The following IGSF23 variants were observed in gnomAD, a reference collection of about 807,000 sequenced individuals.
IGSF23 encodes immunoglobulin superfamily member 23, also known as immunoglobulin superfamily, member 23.
IGSF23 carries 14 observed loss-of-function variants against 17.8 expected under a neutral mutation model. The observed-to-expected ratio is 0.79, with a 90% confidence interval of 0.52 to 1.23. The LOEUF (loss-of-function observed/expected upper bound fraction) is 1.23. IGSF23 is among the 50% of genes most tolerant of loss of function. The pLI is 0.00. For synonymous variants in IGSF23, 85 were observed against 92.5 expected (o/e 0.92, Z 0.46); for missense variants, 214 against 241.7 (o/e 0.89, Z 0.76).
At chr19:44,619,643 C>T (rs1257983231) in intron 1 of IGSF23, among the ~76,000 whole-genome samples, 4 of 152,200 alleles carry the variant, frequency 2.6e-5, no homozygotes, top group Non-Finnish European at 5.9e-5. Context: ...TTCATCTCCT[C>T]TGAGGCCTCT....
chr19:44,636,004 G>C (rs1174049867), intron 4 of IGSF23, among the ~76,000 whole-genome samples: 2 of 152,180 alleles, frequency 1.3e-5, no homozygotes, highest in African/African-American at 4.8e-5. Flanking sequence ...GTCTGGACTA[G>C]GATAGCCTCA....
At chr19:44,635,523 G>T in intron 4 of IGSF23, 58 bp downstream of exon 4, 1 of 1,198,260 alleles carries the variant, frequency 8.3e-7, no homozygotes. Context: ...AGAAGTTCTT[G>T]GGCAGAGACT....
chr19:44,626,382 G>A (rs1013650730), intron 2 of IGSF23, among the ~76,000 whole-genome samples: 4 of 152,180 alleles, frequency 2.6e-5, no homozygotes, highest in African/African-American at 7.2e-5. Flanking sequence ...AACTGCCCAG[G>A]AAATGTTTAT....
chr19:44,629,632 CTT>C (rs11344283), intron 3 of IGSF23, among the ~76,000 whole-genome samples: 5 of 114,106 alleles, frequency 4.4e-5, no homozygotes, highest in Non-Finnish European at 1.7e-5. Context: ...TATATGCTTT[CTT>C]TTTTTTTTTT....
intron 3 of IGSF23, among the ~76,000 whole-genome samples, chr19:44,634,950 G>A (rs1337613088): frequency 6.6e-6 from 1 of 152,128 alleles, no homozygotes; most frequent in East Asian, 1.9e-4. Flanking sequence ...CCTCAGCCAT[G>A]TGATGATGAT....
At chr19:44,635,232 T>A (rs1216682503) in intron 3 of IGSF23, among the ~76,000 whole-genome samples, 169 bp from the exon 4 acceptor site, 1 of 152,212 alleles carries the variant, frequency 6.6e-6, no homozygotes, top group African/African-American at 2.4e-5. Context: ...CCCACTCTTA[T>A]GATCTCATTT....
chr19:44,633,770 T>C (rs1210976531), intron 3 of IGSF23, among the ~76,000 whole-genome samples: 1 of 152,220 alleles, frequency 6.6e-6, no homozygotes, highest in Non-Finnish European at 1.5e-5. Flanking sequence ...TATCAGTAAT[T>C]TGATTTACCC....
At chr19:44,624,096 A>G in intron 2 of IGSF23, 124 bp downstream of exon 2, 2 of 777,970 alleles carry the variant, frequency 2.6e-6, no homozygotes, top group Non-Finnish European at 4.0e-6. Context: ...GACCCTTTAT[A>G]GGCAAAATGT....
intron 3 of IGSF23, among the ~76,000 whole-genome samples, chr19:44,628,502 C>T (rs1972703642): frequency 6.6e-6 from 1 of 152,094 alleles, no homozygotes; most frequent in Non-Finnish European, 1.5e-5. Flanking sequence ...AATCCCAGCA[C>T]TTTGGGAGGC....
In IGSF23 at chr19:44,623,944, C is replaced by T; in HGVS notation, c.363C>T (p.Val121=). Residue 121 remains valine (V), a synonymous_variant, in exon 2 of 5, where the codon GTC becomes GTT. Transcript: ENST00000402988. ...CIATNSKKQL[V]SEPVTISLPK... ...CCACAAACAGCAAGAAACAGCTGGT[C>T]TCTGAGCCTGTAACCATCTCGCTGC... 3.2e-6 allele frequency: 5 copies of T among 1,550,586 alleles called. No homozygotes were observed. In the South Asian group the frequency reaches 5.9e-5, roughly 18 times the overall value.
intron 1 of IGSF23, among the ~76,000 whole-genome samples, chr19:44,617,623 C>T (rs1206111565): frequency 1.3e-5 from 2 of 152,172 alleles, no homozygotes; most frequent in Admixed American, 6.5e-5. Flanking sequence ...TTATGTCACC[C>T]TTTAAAAATG....
rs752678643 is a variant in IGSF23 at position 44,635,320 on chromosome 19, C to T, written c.546-81C>T. ...TAGGACTACATATTAATTTGGGGAA[C>T]GGATAATAATTCAGTCGATGATTCT... On this transcript the variant is annotated intron_variant, in intron 3 of 4. Coordinates refer to ENST00000402988, the MANE Select transcript of IGSF23 (RefSeq NM_001205280.2). The T allele has an allele frequency of 7.3e-5, 81 of 1,116,438 alleles. 1 individual carries two copies. The highest frequency in any genetic ancestry group is 2.4e-4 in the Middle Eastern group (1 of 4,164). 69.2% of individuals were successfully genotyped at this position (1,116,438 alleles called of 1,614,324 possible).
chr19:44,624,447 G>A (rs1434293896), intron 2 of IGSF23, among the ~76,000 whole-genome samples: 1 of 151,722 alleles, frequency 6.6e-6, no homozygotes, highest in Admixed American at 6.6e-5. Context: ...ACCACATCTG[G>A]CCTATTTTTG....
chr19:44,613,593 C>T lies in IGSF23; in HGVS notation c.-53C>T, dbSNP rs569040303. On this transcript the variant is annotated 5_prime_UTR_variant, in exon 1 of 5. Transcript: ENST00000402988. ...TTGCCTTTGATGTGAGTGATAGGAGCGGGCGATTCTGCTTCTCCCTCCATC... is the reference window on the plus strand; with the variant it reads ...TTGCCTTTGATGTGAGTGATAGGAGTGGGCGATTCTGCTTCTCCCTCCATC... The T allele has an allele frequency of 2.5e-5, 37 of 1,495,862 alleles. No homozygotes were observed. Among genetic ancestry groups the T allele is most frequent in the Middle Eastern group, 3.5e-4 (2 of 5,748 alleles). The allele number at this position is 1,495,862 out of a possible 1,614,324, so 92.7% of individuals were successfully genotyped here.
At chr19:44,615,525 A>G (rs1972352994) in intron 1 of IGSF23, among the ~76,000 whole-genome samples, 1 of 151,716 alleles carries the variant, frequency 6.6e-6, no homozygotes, top group Non-Finnish European at 1.5e-5. Flanking sequence ...TGGGAGGCTG[A>G]GGCAGGAGAA....
intron 1 of IGSF23, among the ~76,000 whole-genome samples, chr19:44,616,276 A>G (rs979366876): frequency 6.6e-6 from 1 of 152,234 alleles, no homozygotes; most frequent in Non-Finnish European, 1.5e-5. Flanking sequence ...TTATCTGAGT[A>G]TTAGGCTTAA....
chr19:44,624,108 A>G, intron 2 of IGSF23, 136 bp downstream of exon 2: 1 of 711,610 alleles, frequency 1.4e-6, no homozygotes, highest in Non-Finnish European at 2.3e-6. Flanking sequence ...GCAAAATGTC[A>G]TTCCAATGTT....
chr19:44,614,406 T>C (rs1322670253), intron 1 of IGSF23, among the ~76,000 whole-genome samples: 1 of 152,154 alleles, frequency 6.6e-6, no homozygotes, highest in East Asian at 1.9e-4. Flanking sequence ...TAGATCTATA[T>C]ACCAGCCTGT....
rs774274615 is a variant in IGSF23 at position 44,635,431 on chromosome 19, C to G, written c.576C>G (p.Ser192Arg). The change falls in exon 4 of 5, where the codon AGC becomes AGG. Residue 192 changes from serine (S) to arginine (R), a missense_variant. Coordinates refer to ENST00000402988, the MANE Select transcript of IGSF23 (RefSeq NM_001205280.2). Reference protein sequence around the residue: ...RTDRQRIGICS With the variant: ...RTDRQRIGICR ...ACAGGCAGAGAATAGGAATATGCAG[C>G]TGAAATGTGGGCAACTCTCCTGTCA... The G allele has an allele frequency of 6.5e-7, 1 of 1,549,314 alleles. No homozygotes were observed. The highest frequency in any genetic ancestry group is 8.7e-7 in the Non-Finnish European group (1 of 1,146,492).
Sources: gnomAD v4.1 joint callset for allele counts (sites outside exome capture counted in the v4.1 genomes callset) on GRCh38, gnomAD v4.1.1 for gene constraint, MANE v1.5 for transcripts, NCBI Gene and HGNC (gene_info 2026-07-23, HGNC 2026-07-21) for gene names.